The following CTNNBL1 variants were observed in gnomAD, a reference collection of about 807,000 sequenced individuals.
CTNNBL1 encodes the protein catenin beta like 1, also known as beta-catenin-like protein 1.
In CTNNBL1, 31 loss-of-function variants were observed where a neutral mutation model predicts 72.7. The ratio of observed to expected loss-of-function variants is 0.43; its 90% CI spans 0.32 to 0.58. The LOEUF is 0.58. Among genes scored for constraint, CTNNBL1 ranks in the 20% least tolerant of loss-of-function variants. The pLI, the probability that CTNNBL1 is intolerant of heterozygous loss-of-function variation, is 0.08. For synonymous variants in CTNNBL1, 240 were observed against 267.3 expected (o/e 0.90, Z 1.00); for missense variants, 534 against 725.1 (o/e 0.74, Z 3.03).
intron 11 of CTNNBL1, among the ~76,000 whole-genome samples, chr20:37,828,006 T>A (rs1368222895): frequency 6.6e-6 from 1 of 152,216 alleles, no homozygotes; most frequent in African/African-American, 2.4e-5. Context: ...GTTGCCCTGA[T>A]AAATTCCATA....
intron 13 of CTNNBL1, among the ~76,000 whole-genome samples, chr20:37,844,861 T>C (rs1048648467): frequency 6.6e-6 from 1 of 151,894 alleles, no homozygotes; most frequent in Non-Finnish European, 1.5e-5. Flanking sequence ...GGCACGAGAG[T>C]CACTTGAGCC....
intron 1 of CTNNBL1, among the ~76,000 whole-genome samples, chr20:37,721,377 T>G (rs2073039570): frequency 6.6e-6 from 1 of 152,206 alleles, no homozygotes; most frequent in Non-Finnish European, 1.5e-5. Flanking sequence ...ATTGAATAAC[T>G]CTGTGAGAGA....
chr20:37,832,273 A>C (rs1402303734), intron 11 of CTNNBL1: 1 of 152,238 alleles, frequency 6.6e-6, no homozygotes, highest in Non-Finnish European at 1.5e-5. Context: ...ACCAGGGCTG[A>C]CTGAAACATG....
intron 5 of CTNNBL1, among the ~76,000 whole-genome samples, chr20:37,762,482 A>G (rs1327470302): frequency 1.3e-5 from 2 of 152,112 alleles, no homozygotes; most frequent in Non-Finnish European, 2.9e-5. Flanking sequence ...CTCCCGGAAT[A>G]TTGTTTGGGA....
chr20:37,860,075 G>A lies in CTNNBL1; in HGVS notation c.1530+39G>A, dbSNP rs1297921966. Reference sequence around the variant, plus strand: ...CCCCTGGATGGGCTTATCCATCCCTGCCTCCTTCCTCGCCAGCTGCTTAGG... The same window carrying A: ...CCCCTGGATGGGCTTATCCATCCCTACCTCCTTCCTCGCCAGCTGCTTAGG... On this transcript the variant is annotated intron_variant, in intron 14 of 15. Transcript: ENST00000361383. 4.4e-6 allele frequency: 7 copies of A among 1,604,348 alleles called. No individual in the cohort carries two copies. The East Asian group carries it at 1.3e-4, about 31-fold the overall frequency.
intron 1 of CTNNBL1, among the ~76,000 whole-genome samples, chr20:37,699,720 T>C (rs2072824101): frequency 1.3e-5 from 2 of 152,220 alleles, no homozygotes; most frequent in South Asian, 4.1e-4. Context: ...TAGAGTTTGA[T>C]TCAGTCTCCT....
At chr20:37,782,895 A>G (rs1267844782) in intron 10 of CTNNBL1, among the ~76,000 whole-genome samples, 1 of 152,158 alleles carries the variant, frequency 6.6e-6, no homozygotes, top group Non-Finnish European at 1.5e-5. Flanking sequence ...TCCAGTATCA[A>G]TTTTTAAATT....
At chr20:37,828,004 G>A (rs1218069502) in intron 11 of CTNNBL1, among the ~76,000 whole-genome samples, 1 of 152,096 alleles carries the variant, frequency 6.6e-6, no homozygotes, top group Non-Finnish European at 1.5e-5. Context: ...TTGTTGCCCT[G>A]ATAAATTCCA....
intron 10 of CTNNBL1, among the ~76,000 whole-genome samples, chr20:37,792,271 G>A (rs533933191): frequency 2.0e-5 from 3 of 151,896 alleles, no homozygotes; most frequent in African/African-American, 4.8e-5. Context: ...TTCTGTTTCC[G>A]ATTTCAGTGA....
intron 10 of CTNNBL1, among the ~76,000 whole-genome samples, chr20:37,791,091 A>C (rs895308963): frequency 1.3e-5 from 2 of 152,226 alleles, no homozygotes; most frequent in Non-Finnish European, 2.9e-5. Context: ...ATCAATAATT[A>C]GTTCCTTTTT....
At chr20:37,791,551 G>C (rs2073725837) in intron 10 of CTNNBL1, among the ~76,000 whole-genome samples, 1 of 152,042 alleles carries the variant, frequency 6.6e-6, no homozygotes, top group Non-Finnish European at 1.5e-5. Flanking sequence ...GGGGGTAAGG[G>C]GTTATTTGTC....
Position 37,743,146 on chromosome 20 carries a change from A to ATT in CTNNBL1, c.327-3306_327-3305dup, listed in dbSNP as rs10656932. Among the ~76,000 whole-genome samples the ATT allele has an allele frequency of 6.4e-3, 891 of 140,192 alleles. 9 individuals carry two copies. The highest frequency in any genetic ancestry group is 0.017 in the East Asian group (84 of 4,852). The allele number at this position is 140,192 out of a possible 152,430, so 92.0% of individuals were successfully genotyped here. ...CAGATCTTATACTGCACTCAGCACA[A>ATT]TTTTTTTTTTTTTTTTTACTGTTTA... is the stretch of plus-strand genomic sequence containing the variant. On this transcript the variant is annotated intron_variant, in intron 3 of 15. Coordinates refer to ENST00000361383, the MANE Select transcript of CTNNBL1 (RefSeq NM_030877.5).
chr20:37,767,825 C>A, intron 6 of CTNNBL1, 128 bp from the exon 7 acceptor site: 2 of 708,414 alleles, frequency 2.8e-6, no homozygotes, highest in Non-Finnish European at 5.0e-6. Flanking sequence ...AAAATGACAA[C>A]CCAGCATCTG....
intron 4 of CTNNBL1, among the ~76,000 whole-genome samples, chr20:37,755,629 T>G (rs2073357225): frequency 6.6e-6 from 1 of 152,230 alleles, no homozygotes; most frequent in Non-Finnish European, 1.5e-5. Flanking sequence ...GTAATTTTTC[T>G]TTCAGCAAAA....
intron 11 of CTNNBL1, chr20:37,832,165 G>GA (rs2072215353): frequency 6.6e-6 from 1 of 152,188 alleles, no homozygotes; most frequent in Non-Finnish European, 1.5e-5. Context: ...TCCATTTTAG[G>GA]GTTAGAACAA....
At chr20:37,845,561 G>A (rs541099466) in intron 13 of CTNNBL1, among the ~76,000 whole-genome samples, 2 of 152,300 alleles carry the variant, frequency 1.3e-5, no homozygotes, top group East Asian at 3.9e-4. Context: ...GTAGGGGTGA[G>A]GGATGCGTTT....
chr20:37,794,878 T>G (rs1431013814), intron 10 of CTNNBL1, among the ~76,000 whole-genome samples: 1 of 152,104 alleles, frequency 6.6e-6, no homozygotes, highest in African/African-American at 2.4e-5. Context: ...TTTTTTTGTT[T>G]TTTTCCTTTC....
intron 10 of CTNNBL1, among the ~76,000 whole-genome samples, chr20:37,786,678 C>G (rs150362431): frequency 2.0e-4 from 31 of 151,554 alleles, no homozygotes; most frequent in African/African-American, 7.5e-4. Flanking sequence ...TTCTTTTTTT[C>G]TACTTTTTTG....
chr20:37,742,789 C>T (rs549773183), intron 3 of CTNNBL1, among the ~76,000 whole-genome samples: 1 of 152,118 alleles, frequency 6.6e-6, no homozygotes, highest in African/African-American at 2.4e-5. Flanking sequence ...AGGTGACTAA[C>T]AATCGTTCAA....
Sources: allele counts gnomAD v4.1 joint callset (sites outside exome capture counted in the v4.1 genomes callset), GRCh38; gene constraint gnomAD v4.1.1; transcripts MANE v1.5; gene names NCBI Gene and HGNC (gene_info 2026-07-23, HGNC 2026-07-21).